Variants in JAKMIP2 observed in about 807,000 individuals in gnomAD.
The protein encoded by JAKMIP2 is janus kinase and microtubule interacting protein 2, also known as janus kinase and microtubule-interacting protein 2.
Under a neutral mutation model 115.0 loss-of-function variants are expected in JAKMIP2, and 25 were observed. The observed-to-expected ratio is 0.22, with a 90% confidence interval of 0.16 to 0.30. The LOEUF is 0.30. Ranked by LOEUF, JAKMIP2 falls within the 10% of genes least tolerant of loss-of-function variation. The pLI is 1.00. For missense variants in JAKMIP2, 642 were observed against 957.6 expected (o/e 0.67, Z 4.35); for synonymous variants, 334 against 343.6 (o/e 0.97, Z 0.31).
intron 15 of JAKMIP2, 127 bp from the exon 16 acceptor site, chr5:147,628,943 T>C: frequency 3.3e-6 from 2 of 612,286 alleles, no homozygotes; most frequent in South Asian, 2.3e-5. Context: ...AAATTCCTAT[T>C]CTGTTTAGTA....
chr5:147,684,549 A>G (rs1165378033), intron 1 of JAKMIP2, among the ~76,000 whole-genome samples: 1 of 152,224 alleles, frequency 6.6e-6, no homozygotes, highest in Non-Finnish European at 1.5e-5. Context: ...GGACAAGTGG[A>G]GATAAGTGTG....
chr5:147,759,887 T>TG, intron 1 of JAKMIP2, among the ~76,000 whole-genome samples: 1 of 152,024 alleles, frequency 6.6e-6, no homozygotes, highest in South Asian at 2.1e-4. Flanking sequence ...GTCCCAGTCG[T>TG]GGGTTACTGA....
chr5:147,701,273 T>C (rs1174866219), intron 1 of JAKMIP2, among the ~76,000 whole-genome samples: 1 of 152,136 alleles, frequency 6.6e-6, no homozygotes, highest in Admixed American at 6.5e-5. Flanking sequence ...GGTTGATTAG[T>C]GGAGACAGAA....
intron 1 of JAKMIP2, among the ~76,000 whole-genome samples, chr5:147,753,821 T>C (rs1754647470): frequency 1.3e-5 from 2 of 152,028 alleles, no homozygotes; most frequent in Non-Finnish European, 2.9e-5. Flanking sequence ...TATTTTTTTT[T>C]TTTTTTTGCT....
intron 1 of JAKMIP2, among the ~76,000 whole-genome samples, chr5:147,673,667 C>T (rs566014289): frequency 6.6e-6 from 1 of 152,260 alleles, no homozygotes; most frequent in East Asian, 1.9e-4. Flanking sequence ...AAGTGCAGGG[C>T]TGCGAGGTCT....
rs1304382910 is a variant in JAKMIP2 at position 147,705,975 on chromosome 5, G to A, written c.-148-34021C>T. Among the ~76,000 whole-genome samples the A allele has an allele frequency of 5.3e-5, 8 of 152,296 alleles. No homozygotes were observed. In the South Asian group the frequency reaches 6.2e-4, roughly 12 times the overall value. Reference sequence around the variant, plus strand: ...TATTTAACAATTGAAAATGTAAGTAGCCTTTGATTTAGACACTCTGCTAGG... The same window carrying A: ...TATTTAACAATTGAAAATGTAAGTAACCTTTGATTTAGACACTCTGCTAGG... On this transcript the variant is annotated intron_variant, in intron 1 of 21. Coordinates refer to ENST00000616793, the MANE Select transcript of JAKMIP2 (RefSeq NM_001270941.2).
Position 147,721,510 on chromosome 5 carries a change from G to C in JAKMIP2, c.-148-49556C>G, listed in dbSNP as rs1003622622. Among the ~76,000 whole-genome samples, 17 of 152,238 alleles carry C rather than the reference G, an allele frequency of 1.1e-4. No individual in the cohort carries two copies. The East Asian group carries it at 2.3e-3, about 21-fold the overall frequency. Reference sequence around the variant, plus strand: ...GCTAGCAATCAGCGAGACTCCGTGGGCGTAGGACCCTCCGAGCCAGGTGCG... The same window carrying C: ...GCTAGCAATCAGCGAGACTCCGTGGCCGTAGGACCCTCCGAGCCAGGTGCG... On this transcript the variant is annotated intron_variant, in intron 1 of 21. Coordinates refer to ENST00000616793, the MANE Select transcript of JAKMIP2 (RefSeq NM_001270941.2).
At chr5:147,663,783 G>A (rs1459914975) in intron 2 of JAKMIP2, among the ~76,000 whole-genome samples, 1 of 152,092 alleles carries the variant, frequency 6.6e-6, no homozygotes, top group African/African-American at 2.4e-5. Flanking sequence ...AGGGGATTTG[G>A]TGAAATAAGC....
intron 21 of JAKMIP2, among the ~76,000 whole-genome samples, chr5:147,595,924 G>A (rs562500403): frequency 6.6e-6 from 1 of 152,144 alleles, no homozygotes; most frequent in Non-Finnish European, 1.5e-5. Context: ...TTTCCCCAAT[G>A]TATGTAAAAT....
At chr5:147,655,634 A>T (rs1033434721) in intron 3 of JAKMIP2, among the ~76,000 whole-genome samples, 6 of 151,910 alleles carry the variant, frequency 3.9e-5, no homozygotes, top group Admixed American at 1.3e-4. Flanking sequence ...TTAATTTTTT[A>T]AAAAATCCAG....
In JAKMIP2 at chr5:147,590,146, A is replaced by G. The variant is rs1289933796; in HGVS notation, c.*1561T>C. 3.9e-5 allele frequency: 6 copies of G among 152,204 alleles called. No homozygotes were observed. The highest frequency in any genetic ancestry group is 7.3e-5 in the Non-Finnish European group (5 of 68,046). The allele number at this position is 152,204 out of a possible 1,614,324, so 9.4% of individuals were successfully genotyped here. A position where few individuals can be genotyped will look rare whatever the true frequency, so the allele number is the denominator to read the frequency against. On this transcript the variant is annotated 3_prime_UTR_variant, in exon 22 of 22. Transcript: ENST00000616793. ...TTATTGTTCTGGCTTTGCAAATGCC[A>G]GTGCTAAAACTGAAGGATGATAGTG... is the stretch of plus-strand genomic sequence containing the variant.
intron 20 of JAKMIP2, among the ~76,000 whole-genome samples, chr5:147,610,869 G>A (rs1756281210): frequency 6.6e-6 from 1 of 152,226 alleles, no homozygotes; most frequent in Non-Finnish European, 1.5e-5. Context: ...CTTTCCTTCA[G>A]AGATGCTCTG....
chr5:147,649,332 T>C (rs1307494416), intron 4 of JAKMIP2, among the ~76,000 whole-genome samples: 1 of 152,166 alleles, frequency 6.6e-6, no homozygotes, highest in Non-Finnish European at 1.5e-5. Flanking sequence ...GTAACTAATA[T>C]GTATTAAATG....
intron 5 of JAKMIP2, among the ~76,000 whole-genome samples, chr5:147,645,715 G>GT (rs1185784411): frequency 6.6e-6 from 1 of 152,080 alleles, no homozygotes; most frequent in Non-Finnish European, 1.5e-5. Context: ...TGAGCCGGAT[G>GT]TTTTTTTGAT....
chr5:147,703,423 C>T (rs143015166), intron 1 of JAKMIP2, among the ~76,000 whole-genome samples: 1 of 152,152 alleles, frequency 6.6e-6, no homozygotes, highest in African/African-American at 2.4e-5. Flanking sequence ...GGGAGTGCAG[C>T]TTGCTGGACT....
intron 3 of JAKMIP2, among the ~76,000 whole-genome samples, chr5:147,656,396 TTA>T (rs1581364573): frequency 6.6e-6 from 1 of 152,180 alleles, no homozygotes; most frequent in East Asian, 1.9e-4. Flanking sequence ...TATTTTTAGG[TTA>T]GTTAGCTCTT....
intron 3 of JAKMIP2, among the ~76,000 whole-genome samples, chr5:147,656,425 C>G (rs1259240754): frequency 6.6e-6 from 1 of 152,172 alleles, no homozygotes; most frequent in East Asian, 1.9e-4. Flanking sequence ...GAATTGATCC[C>G]TTTACCATTA....
At chr5:147,771,401 A>G (rs7735973) in intron 1 of JAKMIP2, among the ~76,000 whole-genome samples, 16,941 of 152,078 alleles carry the variant, frequency 0.11, 1,165 homozygotes, top group Middle Eastern at 0.2. Flanking sequence ...AGAGTAGTAA[A>G]GCAAAATAAA....
At chr5:147,674,954 G>A (rs1382571509) in intron 1 of JAKMIP2, among the ~76,000 whole-genome samples, 2 of 152,192 alleles carry the variant, frequency 1.3e-5, no homozygotes. Flanking sequence ...GCCCTCAACA[G>A]ATAAAAAGAA....
Sources: gnomAD v4.1 joint callset for allele counts (sites outside exome capture counted in the v4.1 genomes callset) on GRCh38, gnomAD v4.1.1 for gene constraint, MANE v1.5 for transcripts, NCBI Gene and HGNC (gene_info 2026-07-23, HGNC 2026-07-21) for gene names.